HIPK2: variants seen among roughly 807,000 people sequenced by gnomAD.
The protein encoded by HIPK2 is homeodomain-interacting protein kinase 2.
A neutral mutation model predicts 113.7 loss-of-function variants in HIPK2; 27 were observed. The ratio of observed to expected loss-of-function variants is 0.24; its 90% CI spans 0.17 to 0.33. The LOEUF is 0.33. Ranked by LOEUF, HIPK2 falls within the 10% of genes least tolerant of loss-of-function variation. The pLI is 1.00. For synonymous variants in HIPK2, 631 were observed against 642.2 expected (o/e 0.98, Z 0.26); for missense variants, 1,257 against 1,588.0 (o/e 0.79, Z 3.54).
rs1434536443 is a variant in HIPK2, at chr7:139,568,289, A to AGAT, written c.*4635_*4637dup. 6.6e-6 allele frequency: 1 copy of AGAT among 152,456 alleles called. No homozygotes were observed. The highest frequency in any genetic ancestry group is 1.5e-5 in the Non-Finnish European group (1 of 68,226). The allele number at this position is 152,456 out of a possible 1,614,324, so 9.4% of individuals were successfully genotyped here. A position where few individuals can be genotyped will look rare whatever the true frequency, so the allele number is the denominator to read the frequency against. On this transcript the variant is annotated 3_prime_UTR_variant, in exon 15 of 15. Coordinates refer to ENST00000406875, the MANE Select transcript of HIPK2 (RefSeq NM_022740.5). ...AGACTAGAAAGGCTAACAGTCCAGG[A>AGAT]GATGAATGCCGCTTTGCTCCAACCC...
At chr7:139,721,371 C>T (rs1348796640) in intron 1 of HIPK2, among the ~76,000 whole-genome samples, 1 of 152,196 alleles carries the variant, frequency 6.6e-6, no homozygotes, top group African/African-American at 2.4e-5. Flanking sequence ...AAACATTTCT[C>T]CTTGAGAGTA....
chr7:139,728,610 T>C (rs982590820), intron 1 of HIPK2, among the ~76,000 whole-genome samples: 1 of 152,224 alleles, frequency 6.6e-6, no homozygotes, highest in African/African-American at 2.4e-5. Context: ...ATTCCTTCTA[T>C]AAAGTCCCTA....
Position 139,570,871 on chromosome 7 carries a change from A to G in HIPK2, c.*2056T>C, listed in dbSNP as rs1330339497. 1.3e-5 allele frequency: 2 copies of G among 152,318 alleles called. No individual in the cohort carries two copies. The highest frequency in any genetic ancestry group is 3.9e-4 in the East Asian group (2 of 5,186). 9.4% of individuals were successfully genotyped at this position (152,318 alleles called of 1,614,324 possible). On this transcript the variant is annotated 3_prime_UTR_variant, in exon 15 of 15. Coordinates refer to ENST00000406875, the MANE Select transcript of HIPK2 (RefSeq NM_022740.5). The stretch of plus-strand genomic sequence containing the variant: ...ACCCTTTTCGGCCCCATCCTTGGCC[A>G]GATTCTCCTGCCATTCACATTCACA...
rs528131460 is a variant in HIPK2 at position 139,674,466 on chromosome 7, A to G, written c.1103+41466T>C. ...CATCCTGGGGATGAGATGCGTGCTG[A>G]GCCTGAAAGAGCAAGGTTTTAAACG... is the stretch of plus-strand genomic sequence containing the variant. On this transcript the variant is annotated intron_variant, in intron 2 of 14. Coordinates refer to ENST00000406875, the MANE Select transcript of HIPK2 (RefSeq NM_022740.5). Among the ~76,000 whole-genome samples, 4 of 152,360 alleles carry G rather than the reference A, an allele frequency of 2.6e-5. No individual in the cohort carries two copies. In the South Asian group the frequency reaches 8.3e-4, roughly 32 times the overall value.
At position 139,716,628 on chromosome 7, in the gene HIPK2, T is replaced by C. The variant is rs749400694; in HGVS notation, c.407A>G (p.Glu136Gly). 3 of 1,613,848 alleles carry C rather than the reference T, an allele frequency of 1.9e-6. No individual in the cohort carries two copies. Among genetic ancestry groups the C allele is most frequent in the Admixed American group, 1.7e-5 (1 of 60,004 alleles). ...CACGCTGCTTGTGTTCTCGATCTCC[T>C]CGCTCTTACGCTTGAGTCCACATTT... is the stretch of plus-strand genomic sequence containing the variant. ...YQKCGLKRKSEEIENTSSVQI... is the reference protein window; with the variant it reads ...YQKCGLKRKSGEIENTSSVQI... The change falls in exon 2 of 15, where the codon GAG becomes GGG. Residue 136 changes from glutamate to glycine, a missense_variant. Glu to Gly is a moderately conservative substitution (Grantham distance 98). Coordinates refer to ENST00000406875, the MANE Select transcript of HIPK2 (RefSeq NM_022740.5). This position sits in a 1 kb window ranked among gnomAD's most constrained non-coding sequence, Gnocchi z 9.3.
chr7:139,726,722 T>C (rs1182662797), intron 1 of HIPK2, among the ~76,000 whole-genome samples: 18 of 152,008 alleles, frequency 1.2e-4, no homozygotes, highest in Admixed American at 9.8e-4. Context: ...TGGAAATCAA[T>C]AGGATGGGCT....
intron 1 of HIPK2, among the ~76,000 whole-genome samples, chr7:139,745,961 A>G (rs911807013): frequency 1.1e-4 from 17 of 152,184 alleles, no homozygotes; most frequent in African/African-American, 4.1e-4. Flanking sequence ...CCTCGTGTAA[A>G]TAGGTGACAG....
chr7:139,604,667 G>C (rs113090350), intron 9 of HIPK2, among the ~76,000 whole-genome samples: 2,475 of 117,120 alleles, frequency 0.021, 22 homozygotes, highest in Middle Eastern at 0.088. Context: ...CTGGGCGACA[G>C]AGCGAGACTC....
chr7:139,736,076 G>A (rs1795930529), intron 1 of HIPK2, among the ~76,000 whole-genome samples: 1 of 152,132 alleles, frequency 6.6e-6, no homozygotes, highest in Admixed American at 6.5e-5. Context: ...CACAGGAGGT[G>A]GCTGAGAGGG....
chr7:139,777,716 G>A lies in HIPK2; in HGVS notation c.-93C>T, dbSNP rs1796808255. The A allele has an allele frequency of 9.6e-7, 1 of 1,038,154 alleles. No individual in the cohort carries two copies. Among genetic ancestry groups the A allele is most frequent in the African/African-American group, 1.7e-5 (1 of 57,894 alleles). The allele number at this position is 1,038,154 out of a possible 1,614,324, so 64.3% of individuals were successfully genotyped here. A position where few individuals can be genotyped will look rare whatever the true frequency, so the allele number is the denominator to read the frequency against. ...AGCCTCAGTCGGAATCTGCCATCTT[G>A]AGCCTGTGTCTCCGCTCTCGGCGCA... On this transcript the variant is annotated 5_prime_UTR_variant, in exon 1 of 15. An upstream open reading frame in the 5' UTR gains an earlier in-frame stop. Coordinates refer to ENST00000406875, the MANE Select transcript of HIPK2 (RefSeq NM_022740.5).
chr7:139,757,639 A>G (rs1796384153), intron 1 of HIPK2, among the ~76,000 whole-genome samples: 2 of 152,312 alleles, frequency 1.3e-5, no homozygotes, highest in African/African-American at 2.4e-5. Context: ...GCATGATTCC[A>G]TTTATAGAAA....
At chr7:139,665,800 C>T (rs1802029486) in intron 2 of HIPK2, among the ~76,000 whole-genome samples, 1 of 152,194 alleles carries the variant, frequency 6.6e-6, no homozygotes, top group South Asian at 2.1e-4. Context: ...CCCAGATGCT[C>T]ATTTGTTCAA....
chr7:139,584,907 G>A (rs544461321), intron 12 of HIPK2, among the ~76,000 whole-genome samples: 14 of 152,210 alleles, frequency 9.2e-5, no homozygotes, highest in Admixed American at 9.2e-4. Flanking sequence ...ACAATAGGGA[G>A]GCACTGGCTT....
intron 12 of HIPK2, 118 bp from the exon 13 acceptor site, chr7:139,584,182 C>G: frequency 7.3e-7 from 1 of 1,370,140 alleles, no homozygotes; most frequent in Non-Finnish European, 9.9e-7. Flanking sequence ...AGGAACAGGG[C>G]TTTTGCCCTC....
chr7:139,717,047 C>T (rs774761900), intron 1 of HIPK2, 32 bp from the exon 2 acceptor site: 100 of 1,583,030 alleles, frequency 6.3e-5, no homozygotes, highest in Admixed American at 1.2e-4. Flanking sequence ...AAGTAAGTAT[C>T]GGAGTCACCT....
intron 9 of HIPK2, among the ~76,000 whole-genome samples, chr7:139,608,009 C>A (rs542590848): frequency 6.6e-6 from 1 of 151,998 alleles, no homozygotes; most frequent in Non-Finnish European, 1.5e-5. Flanking sequence ...GAGGCCAAGG[C>A]GGGTGGATCA....
intron 5 of HIPK2, among the ~76,000 whole-genome samples, chr7:139,627,474 T>G (rs1279588456): frequency 3.9e-5 from 6 of 152,232 alleles, no homozygotes; most frequent in African/African-American, 1.4e-4. Flanking sequence ...GAGTCACCTC[T>G]GGCCAAGACA....
chr7:139,563,525 ATACAACATACT>A lies in HIPK2; in HGVS notation c.*9391_*9401del. 4.2e-6 allele frequency: 1 copy of A among 239,830 alleles called. No individual in the cohort carries two copies. The allele number at this position is 239,830 out of a possible 1,614,324, so 14.9% of individuals were successfully genotyped here. A position where few individuals can be genotyped will look rare whatever the true frequency, so the allele number is the denominator to read the frequency against. ...GAGCAGAGGCAGAGCCCTTTTTCAG[ATACAACATACT>A]TACTTTTCAAATGAACAAAAGGCAA... On this transcript the variant is annotated 3_prime_UTR_variant, in exon 15 of 15. Coordinates refer to ENST00000406875, the MANE Select transcript of HIPK2 (RefSeq NM_022740.5).
chr7:139,676,520 C>T (rs1802499227), intron 2 of HIPK2, among the ~76,000 whole-genome samples: 1 of 152,142 alleles, frequency 6.6e-6, no homozygotes, highest in Non-Finnish European at 1.5e-5. Context: ...CAAGCACCTC[C>T]CAGATACTGG....
Sources: gnomAD v4.1 joint callset for allele counts (sites outside exome capture counted in the v4.1 genomes callset) on GRCh38, gnomAD v4.1.1 for gene constraint, Gnocchi (gnomAD v3.1) non-coding constraint, MANE v1.5 for transcripts, NCBI Gene and HGNC (gene_info 2026-07-23, HGNC 2026-07-21) for gene names.